Variants in RGS6 observed in about 807,000 individuals in gnomAD.
RGS6 encodes the protein regulator of G protein signaling 6, also known as regulator of G-protein signaling 6.
A neutral mutation model predicts 78.5 loss-of-function variants in RGS6; 30 were observed. That is an observed-to-expected ratio of 0.38 (90% CI 0.29 to 0.52). RGS6 has a LOEUF of 0.52. Ranked by LOEUF, RGS6 falls within the 20% of genes least tolerant of loss-of-function variation. RGS6 has a pLI of 0.85. For missense variants in RGS6, 495 were observed against 609.7 expected (o/e 0.81, Z 1.98); for synonymous variants, 206 against 206.0 (o/e 1.00, Z 0.00).
At chr14:72,586,844 G>A in the RGS6 span, among the ~76,000 whole-genome samples, 1 of 152,058 alleles carries the variant, frequency 6.6e-6, no homozygotes. Context: ...GCAGGGCCTG[G>A]TGCATAATAG....
At chr14:71,964,332 C>T (rs1056947562) in intron 1 of RGS6, among the ~76,000 whole-genome samples, 1 of 152,108 alleles carries the variant, frequency 6.6e-6, no homozygotes, top group Non-Finnish European at 1.5e-5. Context: ...CATGGAGAAA[C>T]CCTGTCTCTA....
chr14:72,160,596 A>G (rs1482511307), intron 2 of RGS6, among the ~76,000 whole-genome samples: 1 of 152,244 alleles, frequency 6.6e-6, no homozygotes, highest in East Asian at 1.9e-4. Context: ...TCAAAAGGTG[A>G]TTAAGTTAAA....
chr14:72,416,596 G>A (rs1312127215), intron 3 of RGS6, among the ~76,000 whole-genome samples: 1 of 152,148 alleles, frequency 6.6e-6, no homozygotes, highest in Non-Finnish European at 1.5e-5. Flanking sequence ...CCTTTGGGCT[G>A]GACTCCACAA....
intron 2 of RGS6, among the ~76,000 whole-genome samples, chr14:72,233,486 A>T (rs757841858): frequency 5.3e-5 from 8 of 152,146 alleles, no homozygotes; most frequent in Non-Finnish European, 2.9e-5. Flanking sequence ...CAATGTGGAA[A>T]CTGTATTAAA....
intron 1 of RGS6, among the ~76,000 whole-genome samples, chr14:71,948,799 T>A (rs1369431711): frequency 7.1e-6 from 1 of 139,910 alleles, no homozygotes; most frequent in African/African-American, 2.7e-5. Flanking sequence ...TTGCCCAGGA[T>A]GGCCAGGAAC....
intron 3 of RGS6, among the ~76,000 whole-genome samples, chr14:72,385,305 A>T (rs981435397): frequency 2.6e-5 from 4 of 152,286 alleles, no homozygotes; most frequent in South Asian, 2.1e-4. Flanking sequence ...AAATATGTTA[A>T]AAGGGGGCGT....
At chr14:72,124,835 G>C (rs2153577689) in intron 2 of RGS6, among the ~76,000 whole-genome samples, 1 of 152,234 alleles carries the variant, frequency 6.6e-6, no homozygotes, top group East Asian at 1.9e-4. Context: ...GGACTGACTT[G>C]AGACTGAAGC....
intron 1 of RGS6, among the ~76,000 whole-genome samples, chr14:71,962,807 T>C (rs192401949): frequency 6.6e-6 from 1 of 152,310 alleles, no homozygotes; most frequent in Non-Finnish European, 1.5e-5. Context: ...TACAAATTCC[T>C]CTCTCTCCCA....
At chr14:72,162,653 C>T (rs1442350238) in intron 2 of RGS6, among the ~76,000 whole-genome samples, 8 of 151,942 alleles carry the variant, frequency 5.3e-5, no homozygotes, top group African/African-American at 1.5e-4. Context: ...GGGTATCTAC[C>T]GAGAGGAAAA....
chr14:72,611,510 C>A, the RGS6 span, among the ~76,000 whole-genome samples: 2 of 151,840 alleles, frequency 1.3e-5, no homozygotes, highest in South Asian at 2.1e-4. Flanking sequence ...TACTTGAAGC[C>A]CCCACCCCCC....
the RGS6 span, among the ~76,000 whole-genome samples, chr14:71,927,139 T>C: frequency 6.6e-6 from 1 of 152,220 alleles, no homozygotes; most frequent in Admixed American, 6.5e-5. Context: ...ACAACTGGCA[T>C]GAACAGCAGC....
chr14:72,468,195 A>G (rs1314072057), intron 7 of RGS6, among the ~76,000 whole-genome samples: 2 of 152,248 alleles, frequency 1.3e-5, no homozygotes, highest in Middle Eastern at 6.8e-3. Context: ...CCTGGCTAAC[A>G]TGCTGAAACC....
chr14:72,539,105 A>C (rs533353928), intron 16 of RGS6, among the ~76,000 whole-genome samples: 2 of 152,264 alleles, frequency 1.3e-5, no homozygotes, highest in Admixed American at 6.5e-5. Flanking sequence ...ACTCTCCCGG[A>C]ACCCCTGCAG....
intron 3 of RGS6, among the ~76,000 whole-genome samples, chr14:72,371,606 A>G (rs2083526640): frequency 6.6e-6 from 1 of 152,140 alleles, no homozygotes; most frequent in South Asian, 2.1e-4. Flanking sequence ...TACTAAAGAT[A>G]CAAAATTAGC....
rs1449270209 is a variant in RGS6, at chr14:71,937,686, A to G, written c.-21+4745A>G. Among the ~76,000 whole-genome samples, 4 of 152,368 alleles carry G rather than the reference A, an allele frequency of 2.6e-5. No homozygotes were observed. The East Asian group carries it at 7.7e-4, about 29-fold the overall frequency. On this transcript the variant is annotated intron_variant, in intron 1 of 17. Transcript: ENST00000553525. ...GTGCCTTGGTCAGAGACAATGCTGC[A>G]TGGAATACCACGATGGTGGATAAGG... is the stretch of plus-strand genomic sequence containing the variant.
intron 2 of RGS6, among the ~76,000 whole-genome samples, chr14:72,306,595 T>G (rs936869754): frequency 1.3e-5 from 2 of 152,202 alleles, no homozygotes; most frequent in Non-Finnish European, 2.9e-5. Flanking sequence ...AAGCAATTGA[T>G]TCCAACCTTC....
intron 2 of RGS6, among the ~76,000 whole-genome samples, chr14:72,101,483 A>G (rs1181057120): frequency 6.6e-6 from 1 of 152,242 alleles, no homozygotes; most frequent in Non-Finnish European, 1.5e-5. Context: ...CTTAGAGAAT[A>G]CTGCGCTCTA....
intron 2 of RGS6, among the ~76,000 whole-genome samples, chr14:72,053,904 CAT>C (rs2093474047): frequency 6.6e-6 from 1 of 152,182 alleles, no homozygotes; most frequent in East Asian, 1.9e-4. Context: ...GAAGTCAAAA[CAT>C]ATTTTCAAAA....
At chr14:72,358,527 T>A (rs1345588347) in intron 3 of RGS6, among the ~76,000 whole-genome samples, 1 of 152,222 alleles carries the variant, frequency 6.6e-6, no homozygotes, top group Non-Finnish European at 1.5e-5. Context: ...TAAAAGGAGA[T>A]TATTTCATAA....
Sources: allele counts gnomAD v4.1 joint callset (sites outside exome capture counted in the v4.1 genomes callset), GRCh38; gene constraint gnomAD v4.1.1; transcripts MANE v1.5; gene names NCBI Gene and HGNC (gene_info 2026-07-23, HGNC 2026-07-21).